HOMER1: variants seen among roughly 807,000 people sequenced by gnomAD.
HOMER1 encodes the protein homer scaffold protein 1.
Under a neutral mutation model 48.9 loss-of-function variants are expected in HOMER1, and 3 were observed. The ratio of observed to expected loss-of-function variants is 0.06; its 90% CI spans 0.03 to 0.16. HOMER1 has a LOEUF of 0.16. Ranked by LOEUF, HOMER1 falls within the 10% of genes least tolerant of loss-of-function variation. The pLI is 1.00. For synonymous variants in HOMER1, 134 were observed against 146.4 expected, an observed-to-expected ratio of 0.92 and a Z score of 0.61; for missense variants, 247 against 411.4, an observed-to-expected ratio of 0.60 and a Z score of 3.46.
Position 79,396,878 on chromosome 5 carries a change from A to G in HOMER1, c.821T>C (p.Ile274Thr), listed in dbSNP as rs865793833. Reference sequence around the variant, plus strand: ...TTCTTGTAGTTCTCTGGCATTATCAATTTCTTGTTTTAACCTTTCTATTTC... The same window carrying G: ...TTCTTGTAGTTCTCTGGCATTATCAGTTTCTTGTTTTAACCTTTCTATTTC... ...EEEIERLKQE[I>T]DNARELQEQR... The change falls in exon 8 of 9, where the codon ATT becomes ACT. Residue 274 changes from isoleucine (I) to threonine (T), a missense_variant. By Grantham distance (89) the Ile-to-Thr change is moderately conservative (BLOSUM62 -1). Around this residue, in one of 4 missense-constraint regions of HOMER1, gnomAD observed 113 missense variants for 152.5 expected, o/e 0.74. Transcript: ENST00000334082. 1.9e-6 allele frequency: 3 copies of G among 1,601,206 alleles called. No homozygotes were observed. The highest frequency in any genetic ancestry group is 2.6e-6 in the Non-Finnish European group (3 of 1,170,222).
At chr5:79,511,993 G>T (rs139748069) in intron 1 of HOMER1, among the ~76,000 whole-genome samples, 1 of 152,302 alleles carries the variant, frequency 6.6e-6, no homozygotes, top group Non-Finnish European at 1.5e-5. Context: ...CTTAAATTAG[G>T]AAGTGTCACT....
chr5:79,385,748 A>T (rs540723749), intron 8 of HOMER1, among the ~76,000 whole-genome samples: 2 of 142,012 alleles, frequency 1.4e-5, no homozygotes, highest in Non-Finnish European at 3.0e-5. Flanking sequence ...GAAGTTGAGG[A>T]GGGAGAATGG....
chr5:79,397,001 G>T, intron 7 of HOMER1, 98 bp from the exon 8 acceptor site: 1 of 654,604 alleles, frequency 1.5e-6, no homozygotes, highest in East Asian at 2.9e-5. Context: ...CTTAGAAAAA[G>T]ATGATTTTAA....
Position 79,481,951 on chromosome 5 carries a change from G to A in HOMER1, c.6-24933C>T, listed in dbSNP as rs187734701. Among the ~76,000 whole-genome samples the A allele has an allele frequency of 1.2e-3, 183 of 152,276 alleles. 1 individual carries two copies. The highest frequency in any genetic ancestry group is 2.9e-4 in the Non-Finnish European group (20 of 68,032). On this transcript the variant is annotated intron_variant, in intron 1 of 8. Coordinates refer to ENST00000334082, the MANE Select transcript of HOMER1 (RefSeq NM_004272.5). ...AAAGAATATAAGTCTGGGCACGGTG[G>A]CTCACACCTGTAATACCAGCATTTT...
intron 1 of HOMER1, among the ~76,000 whole-genome samples, chr5:79,506,980 G>A (rs889731240): frequency 1.3e-5 from 2 of 151,854 alleles, no homozygotes; most frequent in African/African-American, 2.4e-5. Context: ...TTGGGAGGCC[G>A]AGGCAGGCAG....
intron 5 of HOMER1, among the ~76,000 whole-genome samples, chr5:79,435,864 C>G (rs1395685979): frequency 6.7e-6 from 1 of 149,554 alleles, no homozygotes; most frequent in Non-Finnish European, 1.5e-5. Context: ...CGGTGGCTCA[C>G]GCCTGTAATC....
chr5:79,464,834 T>A (rs538509551), intron 1 of HOMER1, among the ~76,000 whole-genome samples: 1 of 152,150 alleles, frequency 6.6e-6, no homozygotes, highest in South Asian at 2.1e-4. Flanking sequence ...TTAAAAACCA[T>A]ATACGAACTT....
At chr5:79,432,684 T>C (rs1157611930) in intron 5 of HOMER1, among the ~76,000 whole-genome samples, 1 of 152,200 alleles carries the variant, frequency 6.6e-6, no homozygotes, top group Non-Finnish European at 1.5e-5. Flanking sequence ...AATGTATCTA[T>C]TCAGAAAGCT....
intron 1 of HOMER1, among the ~76,000 whole-genome samples, chr5:79,508,732 A>G (rs1163818166): frequency 1.3e-5 from 2 of 152,166 alleles, no homozygotes; most frequent in African/African-American, 4.8e-5. Context: ...CTCAGCAGCT[A>G]ATGCCCCCCC....
chr5:79,379,099 TATATATATATATATAA>T (rs1448143953), intron 8 of HOMER1, among the ~76,000 whole-genome samples: 1,544 of 60,980 alleles, frequency 0.025, 102 homozygotes, highest in East Asian at 0.098. Context: ...TATATATATA[TATATATATATATATAA>T]AATATATAAA....
chr5:79,464,709 C>A (rs949467022), intron 1 of HOMER1, among the ~76,000 whole-genome samples: 18 of 152,146 alleles, frequency 1.2e-4, no homozygotes, highest in African/African-American at 3.9e-4. Flanking sequence ...ATTAAGATAC[C>A]TGTTTTGATG....
intron 8 of HOMER1, among the ~76,000 whole-genome samples, chr5:79,382,915 T>C (rs570701165): frequency 1.5e-4 from 23 of 152,198 alleles, no homozygotes; most frequent in Non-Finnish European, 3.4e-4. Context: ...ATGGATTACA[T>C]TCTCCACTTA....
At chr5:79,492,411 A>AG (rs1032954389) in intron 1 of HOMER1, among the ~76,000 whole-genome samples, 2 of 152,170 alleles carry the variant, frequency 1.3e-5, no homozygotes, top group Admixed American at 1.3e-4. Context: ...AAATAATAAT[A>AG]TACTGAATTC....
At chr5:79,502,086 C>A (rs1285063363) in intron 1 of HOMER1, among the ~76,000 whole-genome samples, 1 of 143,374 alleles carries the variant, frequency 7.0e-6, no homozygotes, top group African/African-American at 2.6e-5. Context: ...GTGGCGCGAT[C>A]TTGGCTCACT....
chr5:79,446,804 A>ATTTTTT (rs35036295), intron 4 of HOMER1, among the ~76,000 whole-genome samples: 2 of 101,730 alleles, frequency 2.0e-5, no homozygotes, highest in African/African-American at 8.0e-5. Context: ...CACTTGGCTA[A>ATTTTTT]TTTTTTTTTT....
chr5:79,445,562 A>G (rs1215976165), intron 4 of HOMER1, among the ~76,000 whole-genome samples: 1 of 148,488 alleles, frequency 6.7e-6, no homozygotes, highest in Non-Finnish European at 1.5e-5. Context: ...TGTAAAACCT[A>G]TAACCATTGT....
At chr5:79,454,369 C>A (rs1751107585) in intron 2 of HOMER1, among the ~76,000 whole-genome samples, 1 of 151,966 alleles carries the variant, frequency 6.6e-6, no homozygotes, top group Non-Finnish European at 1.5e-5. Flanking sequence ...TGTTAACCCT[C>A]CTTTCTAATA....
At chr5:79,485,244 C>T (rs1426850517) in intron 1 of HOMER1, among the ~76,000 whole-genome samples, 1 of 152,132 alleles carries the variant, frequency 6.6e-6, no homozygotes, top group African/African-American at 2.4e-5. Flanking sequence ...TTTTGAGGAC[C>T]AGCTAGAAGC....
chr5:79,454,283 A>G (rs1751105055), intron 2 of HOMER1, among the ~76,000 whole-genome samples: 1 of 152,156 alleles, frequency 6.6e-6, no homozygotes, highest in Non-Finnish European at 1.5e-5. Context: ...GGGACTATTC[A>G]GTTGACCTTT....
Sources: allele counts gnomAD v4.1 joint callset (sites outside exome capture counted in the v4.1 genomes callset), GRCh38; gene constraint gnomAD v4.1.1; regional missense constraint gnomAD v4.1.1; transcripts MANE v1.5; gene names NCBI Gene and HGNC (gene_info 2026-07-23, HGNC 2026-07-21).